Variants in BPTF observed in about 807,000 individuals in gnomAD.
The protein encoded by BPTF is nucleosome-remodeling factor subunit BPTF.
A neutral mutation model predicts 292.5 loss-of-function variants in BPTF; 18 were observed. The ratio of observed to expected loss-of-function variants is 0.06; its 90% CI spans 0.04 to 0.09. BPTF has a LOEUF of 0.09. Ranked by LOEUF, BPTF falls within the 10% of genes least tolerant of loss-of-function variation. The probability of loss-of-function intolerance (pLI) is 1.00; values close to 1 mark genes in which losing one functional copy is unlikely to be tolerated. For synonymous variants in BPTF, 1,225 were observed against 1,251.9 expected (o/e 0.98, Z 0.45); for missense variants, 2,726 against 3,498.7 (o/e 0.78, Z 5.57).
chr17:67,918,617 A>G, intron 11 of BPTF, 97 bp from the exon 12 acceptor site: 1 of 1,199,552 alleles, frequency 8.3e-7, no homozygotes, highest in Non-Finnish European at 1.2e-6. Context: ...AATGAGGACA[A>G]GAAACACAGC....
intron 23 of BPTF, chr17:67,956,515 G>A (rs148000856): frequency 0.048 from 7,307 of 151,834 alleles, 225 homozygotes; most frequent in South Asian, 0.13. Flanking sequence ...ATGGTGTTTC[G>A]CCACGTTGGC....
intron 20 of BPTF, among the ~76,000 whole-genome samples, chr17:67,945,190 T>G (rs2065710073): frequency 6.6e-6 from 1 of 152,048 alleles, no homozygotes; most frequent in African/African-American, 2.4e-5. Flanking sequence ...CATGCTCCAC[T>G]ATGCTCAGAT....
At chr17:67,895,865 T>C (rs550203540) in intron 7 of BPTF, among the ~76,000 whole-genome samples, 1 of 148,318 alleles carries the variant, frequency 6.7e-6, no homozygotes, top group Non-Finnish European at 1.5e-5. Context: ...AGAGAGACTT[T>C]TACCCTGTGT....
intron 25 of BPTF, among the ~76,000 whole-genome samples, chr17:67,964,821 A>G (rs1250019159): frequency 6.6e-6 from 1 of 151,388 alleles, no homozygotes; most frequent in Admixed American, 6.6e-5. Context: ...AACACGGTGA[A>G]ACCCCGTCTC....
At chr17:67,858,765 T>C (rs1456381070) in intron 2 of BPTF, among the ~76,000 whole-genome samples, 1 of 152,182 alleles carries the variant, frequency 6.6e-6, no homozygotes, top group African/African-American at 2.4e-5. Context: ...AAGTGAAATT[T>C]AGTCCATGCT....
chr17:67,929,216 A>T, intron 16 of BPTF, 120 bp from the exon 17 acceptor site: 1 of 1,448,088 alleles, frequency 6.9e-7, no homozygotes, highest in Non-Finnish European at 9.2e-7. Context: ...CTCGGATCTC[A>T]CATTCTATGT....
intron 23 of BPTF, chr17:67,951,296 A>G (rs1310658837): frequency 6.6e-6 from 1 of 152,100 alleles, no homozygotes; most frequent in Non-Finnish European, 1.5e-5. Flanking sequence ...CCATCAGTCA[A>G]TCATTAGCAT....
intron 18 of BPTF, 21 bp from the exon 19 acceptor site, chr17:67,940,418 A>C: frequency 6.2e-7 from 1 of 1,607,020 alleles, no homozygotes; most frequent in Non-Finnish European, 8.5e-7. Context: ...AAGCATTCAT[A>C]ATGTTTTGCT....
At chr17:67,929,242 C>G in intron 16 of BPTF, 94 bp from the exon 17 acceptor site, 1 of 1,535,022 alleles carries the variant, frequency 6.5e-7, no homozygotes, top group Middle Eastern at 1.8e-4. Context: ...ACTATAAAAC[C>G]CTGCCACACG....
chr17:67,890,803 T>TA (rs1217971419), intron 4 of BPTF, among the ~76,000 whole-genome samples: 10 of 152,238 alleles, frequency 6.6e-5, no homozygotes, highest in African/African-American at 2.4e-4. Flanking sequence ...TCTATTTACT[T>TA]AAAATGCCAT....
chr17:67,859,614 C>T (rs1300197232), intron 2 of BPTF, among the ~76,000 whole-genome samples: 1 of 152,178 alleles, frequency 6.6e-6, no homozygotes, highest in Non-Finnish European at 1.5e-5. Flanking sequence ...TTATTTTATA[C>T]TGTAGTCTAG....
At chr17:67,857,246 C>T (rs142025347) in intron 2 of BPTF, among the ~76,000 whole-genome samples, 1,488 of 148,750 alleles carry the variant, frequency 0.01, 13 homozygotes, top group Admixed American at 0.018. Context: ...ACTGCAAGCT[C>T]CGCCTCCCGG....
Position 67,948,260 on chromosome 17 carries a change from T to TGAA in BPTF, c.7886_7888dup (p.Lys2629dup). 1 of 1,613,996 alleles carries TGAA rather than the reference T, an allele frequency of 6.2e-7. No homozygotes were observed. The highest frequency in any genetic ancestry group is 8.5e-7 in the Non-Finnish European group (1 of 1,180,020). The stretch of plus-strand genomic sequence containing the variant: ...AAAGAGCAGCTCAGAGCCGAGATCC[T>TGAA]GAAGAAGAGAGCACTCCTGGACAAG... On this transcript the variant is annotated inframe_insertion, in exon 23 of 28. Coordinates refer to ENST00000306378, the MANE Select transcript of BPTF (RefSeq NM_182641.4).
chr17:67,888,278 C>G (rs991472780), intron 4 of BPTF, among the ~76,000 whole-genome samples: 2 of 151,998 alleles, frequency 1.3e-5, no homozygotes, highest in African/African-American at 4.8e-5. Flanking sequence ...TAGTATTTCT[C>G]TGTGTGTATA....
At chr17:67,939,633 T>C (rs2065202798) in intron 18 of BPTF, among the ~76,000 whole-genome samples, 1 of 152,224 alleles carries the variant, frequency 6.6e-6, no homozygotes, top group African/African-American at 2.4e-5. Flanking sequence ...ATCCCAGCAC[T>C]TTGGGAGGCC....
intron 27 of BPTF, chr17:67,981,376 A>G (rs1201148320): frequency 1.4e-6 from 1 of 703,128 alleles, no homozygotes; most frequent in Non-Finnish European, 2.0e-6. Flanking sequence ...CATTGTTTTC[A>G]TTACTGCACT....
In BPTF at chr17:67,917,131, C is replaced by CTTTTTTTTTTTTTTTTTTTTTTTTTT. The variant is rs943348736; in HGVS notation, c.5304-1564_5304-1563insTTTTTTTTTTTTTTTTTTTTTTTTTT. On this transcript the variant is annotated intron_variant, in intron 11 of 27. Transcript: ENST00000306378. ...GATAAGTAACTAATATGGTATTGTC[C>CTTTTTTTTTTTTTTTTTTTTTTTTTT]TTTTTTTTTTTTTTTTTTTGAGATA... 7.5e-4 allele frequency among the ~76,000 whole-genome samples: 79 copies of CTTTTTTTTTTTTTTTTTTTTTTTTTT among 105,782 alleles called. 7 individuals are homozygous for CTTTTTTTTTTTTTTTTTTTTTTTTTT. The highest frequency in any genetic ancestry group is 2.0e-3 in the East Asian group (5 of 2,450). 69.4% of individuals were successfully genotyped at this position (105,782 alleles called of 152,430 possible).
rs1247552922 is a variant in BPTF, at chr17:67,925,086, C to G, written c.5751+497C>G. Among the ~76,000 whole-genome samples, 3 of 146,460 alleles carry G rather than the reference C, an allele frequency of 2.0e-5. No individual in the cohort carries two copies. The Admixed American group carries it at 2.1e-4, about 10-fold the overall frequency. Reference sequence around the variant, plus strand: ...TTTTTTTTTTTTTAAGTGTATCTCACGTCTATCTTATTGTCATTATTTGAA... The same window carrying G: ...TTTTTTTTTTTTTAAGTGTATCTCAGGTCTATCTTATTGTCATTATTTGAA... On this transcript the variant is annotated intron_variant, in intron 15 of 27. Transcript: ENST00000306378.
At chr17:67,891,317 A>T (rs1292625401) in intron 4 of BPTF, 2 of 152,248 alleles carry the variant, frequency 1.3e-5, no homozygotes, top group African/African-American at 4.8e-5. Context: ...GTTATAAAAA[A>T]CTAATTTAGT....
Sources: allele counts gnomAD v4.1 joint callset (sites outside exome capture counted in the v4.1 genomes callset), GRCh38; gene constraint gnomAD v4.1.1; transcripts MANE v1.5; gene names NCBI Gene and HGNC (gene_info 2026-07-23, HGNC 2026-07-21).